The following GRM3 variants were observed in gnomAD, a reference collection of about 807,000 sequenced individuals.
The protein encoded by GRM3 is glutamate metabotropic receptor 3, also known as metabotropic glutamate receptor 3.
Under a neutral mutation model 70.5 loss-of-function variants are expected in GRM3, and 26 were observed. That is an observed-to-expected ratio of 0.37 (90% CI 0.27 to 0.51). GRM3 has a LOEUF of 0.51. Among genes scored for constraint, GRM3 ranks in the 20% least tolerant of loss-of-function variants. The probability of loss-of-function intolerance (pLI) is 0.93; values close to 1 mark genes in which losing one functional copy is unlikely to be tolerated. For missense variants in GRM3, 859 were observed against 1,123.8 expected (o/e 0.76, Z 3.37); for synonymous variants, 443 against 434.9 (o/e 1.02, Z -0.23).
intron 3 of GRM3, among the ~76,000 whole-genome samples, chr7:86,792,889 G>A (rs151285043): frequency 4.2e-4 from 64 of 152,234 alleles, no homozygotes; most frequent in African/African-American, 1.4e-3. Flanking sequence ...TCACTTATAT[G>A]TGAAGAGGAC....
intron 1 of GRM3, among the ~76,000 whole-genome samples, chr7:86,752,955 C>T (rs1796264342): frequency 6.6e-6 from 1 of 151,968 alleles, no homozygotes; most frequent in African/African-American, 2.4e-5. Flanking sequence ...CACATGTGTC[C>T]TTTTGAGGAG....
rs910931652 is a variant in GRM3, at chr7:86,864,574, A to G, written c.*219A>G. The G allele has an allele frequency of 1.7e-5, 8 of 457,198 alleles. No homozygotes were observed. Among genetic ancestry groups the G allele is most frequent in the Non-Finnish European group, 2.8e-5 (7 of 251,272 alleles). The allele number at this position is 457,198 out of a possible 1,614,324, so 28.3% of individuals were successfully genotyped here. A position where few individuals can be genotyped will look rare whatever the true frequency, so the allele number is the denominator to read the frequency against. On this transcript the variant is annotated 3_prime_UTR_variant, in exon 6 of 6. Coordinates refer to ENST00000361669, the MANE Select transcript of GRM3 (RefSeq NM_000840.3). ...TTAACAATTCCCCCAGAACATGGAA[A>G]TAACCATTGTTTACAGAGCTGAGCA...
chr7:86,847,384 G>T lies in GRM3; in HGVS notation c.2392-2986G>T, dbSNP rs552169534. Reference sequence around the variant, plus strand: ...GGTGGCATTTGGTGCCACTTAAACAGTGACACTTGGGGAAAGGGACCAAAT... The same window carrying T: ...GGTGGCATTTGGTGCCACTTAAACATTGACACTTGGGGAAAGGGACCAAAT... On this transcript the variant is annotated intron_variant, in intron 4 of 5. Coordinates refer to ENST00000361669, the MANE Select transcript of GRM3 (RefSeq NM_000840.3). Among the ~76,000 whole-genome samples the T allele has an allele frequency of 3.9e-5, 6 of 152,272 alleles. No homozygotes were observed. In the South Asian group the frequency reaches 1.0e-3, roughly 26 times the overall value.
chr7:86,850,495 G>T lies in GRM3; in HGVS notation c.2517G>T (p.Leu839=). Residue 839 remains leucine, a synonymous_variant, in exon 5 of 6, where the codon CTG becomes CTT. Transcript: ENST00000361669. ...AGAAGAATGTTGTCACACACAGACT[G>T]CACCTCAACAGGTTCAGTGTCAGTG... ...QPQKNVVTHR[L]HLNRFSVSGT... 8 of 1,611,818 alleles carry T rather than the reference G, an allele frequency of 5.0e-6. No individual in the cohort carries two copies. Among genetic ancestry groups the T allele is most frequent in the Non-Finnish European group, 6.8e-6 (8 of 1,178,116 alleles).
At chr7:86,756,631 A>T (rs976579130) in intron 1 of GRM3, among the ~76,000 whole-genome samples, 9 of 151,948 alleles carry the variant, frequency 5.9e-5, no homozygotes, top group African/African-American at 2.2e-4. Context: ...GTTTTCAAGG[A>T]TTTTCCTTTA....
chr7:86,767,762 C>T (rs376407283), intron 2 of GRM3, among the ~76,000 whole-genome samples: 5 of 151,766 alleles, frequency 3.3e-5, no homozygotes, highest in African/African-American at 9.7e-5. Context: ...GTGTAAATAT[C>T]CCACTTATCC....
At chr7:86,820,333 A>G (rs1798094965) in intron 3 of GRM3, among the ~76,000 whole-genome samples, 1 of 152,138 alleles carries the variant, frequency 6.6e-6, no homozygotes, top group Non-Finnish European at 1.5e-5. Flanking sequence ...TTTGACTTCC[A>G]TCAGGATCTT....
At chr7:86,811,233 A>C (rs1797902726) in intron 3 of GRM3, among the ~76,000 whole-genome samples, 1 of 151,938 alleles carries the variant, frequency 6.6e-6, no homozygotes. Context: ...ATAAGGAACA[A>C]CAATAAAGTT....
intron 3 of GRM3, among the ~76,000 whole-genome samples, chr7:86,833,513 C>T (rs1798396475): frequency 1.3e-5 from 2 of 152,160 alleles, no homozygotes; most frequent in Admixed American, 1.3e-4. Flanking sequence ...AGAGGCAACT[C>T]TAAATGCACC....
Position 86,767,345 on chromosome 7 carries a change from A to G in GRM3, c.468+1732A>G, listed in dbSNP as rs756034414. ...CTTCAGATTACACCATCATGTTATG[A>G]GTAATTAGGATAACTGGTTTTAAAT... On this transcript the variant is annotated intron_variant, in intron 2 of 5. Transcript: ENST00000361669. Among the ~76,000 whole-genome samples the G allele has an allele frequency of 4.5e-4, 69 of 151,728 alleles. 1 individual carries two copies. Among genetic ancestry groups the G allele is most frequent in the Non-Finnish European group, 8.4e-4 (57 of 67,910 alleles).
At chr7:86,860,793 G>A (rs1176592965) in intron 5 of GRM3, among the ~76,000 whole-genome samples, 1 of 152,084 alleles carries the variant, frequency 6.6e-6, no homozygotes, top group African/African-American at 2.4e-5. Flanking sequence ...CCTTACCTAG[G>A]CAAGATATAC....
intron 1 of GRM3, among the ~76,000 whole-genome samples, chr7:86,752,678 A>G (rs1407791468): frequency 1.3e-5 from 2 of 152,208 alleles, no homozygotes; most frequent in African/African-American, 4.8e-5. Flanking sequence ...AAGACTAATA[A>G]GTGTTATAGA....
At chr7:86,756,925 T>C (rs75392979) in intron 1 of GRM3, among the ~76,000 whole-genome samples, 8 of 152,166 alleles carry the variant, frequency 5.3e-5, no homozygotes, top group Admixed American at 2.6e-4. Context: ...ATTATTTCTT[T>C]TGGTCCATTT....
At chr7:86,673,059 A>G (rs746282247) in intron 1 of GRM3, among the ~76,000 whole-genome samples, 1 of 152,164 alleles carries the variant, frequency 6.6e-6, no homozygotes, top group Non-Finnish European at 1.5e-5. Flanking sequence ...TGGGATTGTT[A>G]TCAGGTTTAG....
chr7:86,740,995 G>GTACA (rs1795978042), intron 1 of GRM3, among the ~76,000 whole-genome samples: 1 of 152,154 alleles, frequency 6.6e-6, no homozygotes, highest in Non-Finnish European at 1.5e-5. Context: ...ATATATATGT[G>GTACA]TACATAGACC....
At chr7:86,725,007 A>G (rs377083999) in intron 1 of GRM3, among the ~76,000 whole-genome samples, 2 of 152,132 alleles carry the variant, frequency 1.3e-5, no homozygotes, top group East Asian at 3.9e-4. Context: ...GATCCTGGAC[A>G]TTAGCATTAC....
At chr7:86,699,920 T>G (rs1425008978) in intron 1 of GRM3, among the ~76,000 whole-genome samples, 1 of 151,924 alleles carries the variant, frequency 6.6e-6, no homozygotes, top group Non-Finnish European at 1.5e-5. Flanking sequence ...ATTTGATAAT[T>G]TTGAGAGATC....
At chr7:86,783,777 C>T (rs1248369964) in intron 2 of GRM3, among the ~76,000 whole-genome samples, 1 of 152,156 alleles carries the variant, frequency 6.6e-6, no homozygotes, top group African/African-American at 2.4e-5. Context: ...CAATACTTCA[C>T]TCCATGATTC....
chr7:86,835,405 T>C (rs1205633459), intron 3 of GRM3, among the ~76,000 whole-genome samples: 3 of 152,140 alleles, frequency 2.0e-5, no homozygotes, highest in African/African-American at 4.8e-5. Flanking sequence ...AGAAAAAGGT[T>C]TAGATAAATA....
Sources: allele counts gnomAD v4.1 joint callset (sites outside exome capture counted in the v4.1 genomes callset), GRCh38; gene constraint gnomAD v4.1.1; transcripts MANE v1.5; gene names NCBI Gene and HGNC (gene_info 2026-07-23, HGNC 2026-07-21).